PRELID2: variants seen among roughly 807,000 people sequenced by gnomAD.
PRELID2 encodes the protein PRELI domain containing 2.
In PRELID2, 25 loss-of-function variants were observed where a neutral mutation model predicts 28.4. That is an observed-to-expected ratio of 0.88 (90% CI 0.64 to 1.23). The LOEUF (loss-of-function observed/expected upper bound fraction) is 1.23. PRELID2 is among the 50% of genes most tolerant of loss of function. The pLI, the probability that PRELID2 is intolerant of heterozygous loss-of-function variation, is 0.00. For synonymous variants in PRELID2, 76 were observed against 71.6 expected (o/e 1.06, Z -0.31); for missense variants, 201 against 214.4 (o/e 0.94, Z 0.39).
the PRELID2 span, among the ~76,000 whole-genome samples, chr5:145,424,320 C>T: frequency 1.9e-4 from 29 of 152,258 alleles, no homozygotes; most frequent in Non-Finnish European, 3.2e-4. Flanking sequence ...CAATGGCGGG[C>T]GCCCCTCCCC....
the PRELID2 span, among the ~76,000 whole-genome samples, chr5:145,460,044 C>T: frequency 9.9e-3 from 1,507 of 152,136 alleles, 11 homozygotes; most frequent in African/African-American, 0.021. Context: ...CTCCTGACCT[C>T]GTGATCCTCC....
At chr5:145,559,715 C>T (rs1489940790) in intron 1 of PRELID2, among the ~76,000 whole-genome samples, 1 of 152,020 alleles carries the variant, frequency 6.6e-6, no homozygotes, top group Non-Finnish European at 1.5e-5. Flanking sequence ...GTTTTGTCTA[C>T]CTCTTCTCTT....
chr5:145,431,018 T>TG, the PRELID2 span, among the ~76,000 whole-genome samples: 8 of 144,920 alleles, frequency 5.5e-5, no homozygotes, highest in African/African-American at 1.6e-4. Context: ...TTTTTTTTTT[T>TG]TTTTTTTTTT....
intron 1 of PRELID2, among the ~76,000 whole-genome samples, chr5:145,607,175 T>C (rs1171871260): frequency 2.0e-5 from 3 of 152,228 alleles, no homozygotes; most frequent in Admixed American, 6.5e-5. Context: ...CAATCTTATT[T>C]ATTCTTTCAA....
At chr5:145,311,973 C>T in the PRELID2 span, among the ~76,000 whole-genome samples, 1 of 152,074 alleles carries the variant, frequency 6.6e-6, no homozygotes. Flanking sequence ...TATGTATACA[C>T]TGTGAAATGA....
the PRELID2 span, among the ~76,000 whole-genome samples, chr5:145,409,469 T>C: frequency 1.3e-5 from 2 of 152,054 alleles, no homozygotes; most frequent in Non-Finnish European, 2.9e-5. Flanking sequence ...TCTGCTGTCA[T>C]CAAGAGACTC....
At chr5:145,710,012 T>C (rs1301244139) in intron 1 of PRELID2, among the ~76,000 whole-genome samples, 2 of 152,184 alleles carry the variant, frequency 1.3e-5, no homozygotes, top group Non-Finnish European at 2.9e-5. Context: ...AATTGCTTTT[T>C]TGGGGAAAGG....
chr5:145,455,022 G>A, the PRELID2 span, among the ~76,000 whole-genome samples: 73 of 152,032 alleles, frequency 4.8e-4, no homozygotes, highest in Non-Finnish European at 7.8e-4. Context: ...TGTTGCCATC[G>A]GTCTTGGTGT....
chr5:145,446,657 C>T, the PRELID2 span, among the ~76,000 whole-genome samples: 2 of 151,942 alleles, frequency 1.3e-5, no homozygotes, highest in Admixed American at 6.6e-5. Flanking sequence ...GAGAGATTAA[C>T]AAATTATCCC....
At chr5:145,336,007 A>G in the PRELID2 span, among the ~76,000 whole-genome samples, 2 of 152,154 alleles carry the variant, frequency 1.3e-5, no homozygotes, top group Non-Finnish European at 1.5e-5. Context: ...TTTGATTTGC[A>G]TTTCTCTGAT....
At chr5:145,487,707 G>A (rs764250589) in intron 1 of PRELID2, among the ~76,000 whole-genome samples, 1 of 151,938 alleles carries the variant, frequency 6.6e-6, no homozygotes. Context: ...CCATTTCTCT[G>A]TCTTCCCCCA....
chr5:145,479,757 G>T (rs1168251066), intron 1 of PRELID2, among the ~76,000 whole-genome samples: 1 of 152,096 alleles, frequency 6.6e-6, no homozygotes, highest in African/African-American at 2.4e-5. Flanking sequence ...TCAAATTTCT[G>T]GTCTTCCAAT....
At chr5:145,373,363 G>C in the PRELID2 span, among the ~76,000 whole-genome samples, 1 of 56,008 alleles carries the variant, frequency 1.8e-5, no homozygotes, top group Non-Finnish European at 3.2e-5. Flanking sequence ...TAATATATAT[G>C]ATATTATATA....
intron 1 of PRELID2, among the ~76,000 whole-genome samples, chr5:145,735,462 G>C (rs998563521): frequency 1.9e-4 from 29 of 152,190 alleles, no homozygotes; most frequent in Non-Finnish European, 3.2e-4. Flanking sequence ...AATAAGATTT[G>C]AGACAGTGAC....
chr5:145,446,303 A>G, the PRELID2 span, among the ~76,000 whole-genome samples: 1 of 152,228 alleles, frequency 6.6e-6, no homozygotes, highest in East Asian at 1.9e-4. Context: ...CAAATAAAAT[A>G]CATCTCAGTT....
At chr5:145,644,579 G>A (rs1259488840) in intron 1 of PRELID2, among the ~76,000 whole-genome samples, 1 of 151,908 alleles carries the variant, frequency 6.6e-6, no homozygotes, top group Non-Finnish European at 1.5e-5. Context: ...GTTTGCTCTT[G>A]CTTCTCTGGT....
intron 1 of PRELID2, among the ~76,000 whole-genome samples, chr5:145,486,310 C>G (rs1479385424): frequency 6.6e-6 from 1 of 152,206 alleles, no homozygotes; most frequent in Non-Finnish European, 1.5e-5. Context: ...TCATTAGAGT[C>G]AGTAAGGATA....
At chr5:145,477,045 G>A (rs1256445625) in intron 1 of PRELID2, among the ~76,000 whole-genome samples, 1 of 152,164 alleles carries the variant, frequency 6.6e-6, no homozygotes, top group Non-Finnish European at 1.5e-5. Context: ...AGCCCATTCT[G>A]TAAACTGTTT....
At chr5:145,488,123 CAAAAA>C (rs10643402) in intron 1 of PRELID2, among the ~76,000 whole-genome samples, 54 of 101,376 alleles carry the variant, frequency 5.3e-4, no homozygotes, top group African/African-American at 2.0e-3. Context: ...GACTCTGTCT[CAAAAA>C]AAAAAAAAAA....
Sources: gnomAD v4.1 joint callset for allele counts (sites outside exome capture counted in the v4.1 genomes callset) on GRCh38, gnomAD v4.1.1 for gene constraint, MANE v1.5 for transcripts, NCBI Gene and HGNC (gene_info 2026-07-23, HGNC 2026-07-21) for gene names.